The following ADAMTS16 variants were observed in gnomAD, a reference collection of about 807,000 sequenced individuals.
ADAMTS16 encodes A disintegrin and metalloproteinase with thrombospondin motifs 16.
ADAMTS16 carries 94 observed loss-of-function variants against 145.8 expected under a neutral mutation model. The observed-to-expected ratio is 0.64, with a 90% CI of 0.55 to 0.77. The LOEUF (loss-of-function observed/expected upper bound fraction) is 0.77, where lower values mean the gene tolerates loss of function less well. Ranked by LOEUF, ADAMTS16 falls within the 30% of genes least tolerant of loss-of-function variation. The pLI is 0.00. For synonymous variants in ADAMTS16, 659 were observed against 604.3 expected (o/e 1.09, Z -1.33); for missense variants, 1,585 against 1,591.5 (o/e 1.00, Z 0.07).
chr5:5,179,813 C>T (rs187512508), intron 3 of ADAMTS16, among the ~76,000 whole-genome samples: 1 of 152,284 alleles, frequency 6.6e-6, no homozygotes, highest in Admixed American at 6.5e-5. Flanking sequence ...CATGGTGGTG[C>T]TGATGGCTTC....
chr5:5,318,000 C>A lies in ADAMTS16; in HGVS notation c.3412-134C>A, dbSNP rs1734122698. Reference sequence around the variant, plus strand: ...CACATCGTGGCCAACCATAACTCCACCTGCCTCTGCGACTAAGTCGCTCTT... The same window carrying A: ...CACATCGTGGCCAACCATAACTCCAACTGCCTCTGCGACTAAGTCGCTCTT... On this transcript the variant is annotated intron_variant, in intron 21 of 22. Transcript: ENST00000274181. The surrounding 1 kb of genome is among the most constrained non-coding windows in gnomAD (Gnocchi z 4.5). The A allele has an allele frequency of 9.6e-7, 1 of 1,036,310 alleles. No individual in the cohort carries two copies. The highest frequency in any genetic ancestry group is 1.3e-6 in the Non-Finnish European group (1 of 787,622). The allele number at this position is 1,036,310 out of a possible 1,614,324, so 64.2% of individuals were successfully genotyped here.
At chr5:5,265,745 C>A (rs1475036436) in intron 18 of ADAMTS16, among the ~76,000 whole-genome samples, 2 of 152,192 alleles carry the variant, frequency 1.3e-5, no homozygotes, top group Non-Finnish European at 2.9e-5. Context: ...TGACCTCACA[C>A]CCCCTGCTCC....
intron 8 of ADAMTS16, among the ~76,000 whole-genome samples, chr5:5,198,589 T>C (rs1735872084): frequency 1.3e-5 from 2 of 152,232 alleles, no homozygotes; most frequent in South Asian, 4.1e-4. Flanking sequence ...TGTCTTTATA[T>C]TAAAGCTACC....
intron 20 of ADAMTS16, among the ~76,000 whole-genome samples, chr5:5,303,978 C>T (rs1297492733): frequency 2.0e-5 from 3 of 152,162 alleles, no homozygotes; most frequent in African/African-American, 4.8e-5. Flanking sequence ...CACACAGTGG[C>T]GTCCACGTCA....
intron 17 of ADAMTS16, among the ~76,000 whole-genome samples, chr5:5,258,646 A>G (rs1240269006): frequency 6.6e-6 from 1 of 152,150 alleles, no homozygotes; most frequent in Non-Finnish European, 1.5e-5. Context: ...AGAGGACAGC[A>G]CTCCAGGTGG....
intron 11 of ADAMTS16, among the ~76,000 whole-genome samples, chr5:5,228,898 G>A (rs915239280): frequency 1.3e-5 from 2 of 152,232 alleles, no homozygotes; most frequent in Admixed American, 1.3e-4. Context: ...CAAGCATTAG[G>A]TCATAGCCTG....
At chr5:5,245,071 T>C (rs528405675) in intron 17 of ADAMTS16, among the ~76,000 whole-genome samples, 2 of 152,364 alleles carry the variant, frequency 1.3e-5, no homozygotes, top group South Asian at 4.1e-4. Flanking sequence ...TTAAGCACTT[T>C]TTCAGAATTT....
intron 18 of ADAMTS16, among the ~76,000 whole-genome samples, chr5:5,280,553 C>T (rs1288131128): frequency 6.6e-6 from 1 of 152,142 alleles, no homozygotes; most frequent in African/African-American, 2.4e-5. Flanking sequence ...CGTTTAAACA[C>T]CTCTGGCTGA....
chr5:5,173,109 C>G (rs1005037767), intron 3 of ADAMTS16, among the ~76,000 whole-genome samples: 6 of 150,618 alleles, frequency 4.0e-5, no homozygotes, highest in Non-Finnish European at 8.9e-5. Flanking sequence ...TATTTTTATT[C>G]CTTTATTTTT....
chr5:5,259,746 C>T (rs1737935637), intron 17 of ADAMTS16, among the ~76,000 whole-genome samples: 1 of 152,246 alleles, frequency 6.6e-6, no homozygotes. Flanking sequence ...GATGTTTAAC[C>T]TTGTATCTGC....
At chr5:5,312,004 A>G (rs1339836222) in intron 21 of ADAMTS16, among the ~76,000 whole-genome samples, 2 of 152,248 alleles carry the variant, frequency 1.3e-5, no homozygotes, top group Middle Eastern at 6.8e-3. Flanking sequence ...GGCGTGAGCC[A>G]CTGCACTCGG....
At chr5:5,276,559 G>A (rs556371509) in intron 18 of ADAMTS16, among the ~76,000 whole-genome samples, 1 of 152,230 alleles carries the variant, frequency 6.6e-6, no homozygotes, top group South Asian at 2.1e-4. Context: ...ATGATGCAGA[G>A]TTCCTAGATT....
rs1020262087 is a variant in ADAMTS16, at chr5:5,182,373, T to C, written c.763+68T>C. 277 of 1,543,838 alleles carry C rather than the reference T, an allele frequency of 1.8e-4. 2 individuals carry two copies. The highest frequency in any genetic ancestry group is 3.1e-5 in the Non-Finnish European group (35 of 1,141,016). On this transcript the variant is annotated intron_variant, in intron 4 of 22. Transcript: ENST00000274181. ...ATTTATGTAAGCTGATGGAAGCTTGTACATTTTCTTCAAAGCATGTCTGCC... is the reference window on the plus strand; with the variant it reads ...ATTTATGTAAGCTGATGGAAGCTTGCACATTTTCTTCAAAGCATGTCTGCC...
intron 17 of ADAMTS16, among the ~76,000 whole-genome samples, chr5:5,255,406 A>T (rs1737747538): frequency 6.6e-6 from 1 of 152,256 alleles, no homozygotes; most frequent in Admixed American, 6.5e-5. Context: ...AAGGCCAGAC[A>T]TCTGTAGCTC....
At chr5:5,155,843 A>C (rs1734587780) in intron 3 of ADAMTS16, among the ~76,000 whole-genome samples, 1 of 152,018 alleles carries the variant, frequency 6.6e-6, no homozygotes, top group Admixed American at 6.6e-5. Context: ...AGAAGTCCAC[A>C]GGGGACAGAC....
At chr5:5,207,642 C>T (rs1464753680) in intron 9 of ADAMTS16, among the ~76,000 whole-genome samples, 1 of 151,612 alleles carries the variant, frequency 6.6e-6, no homozygotes, top group Non-Finnish European at 1.5e-5. Context: ...TTAAGTTTCG[C>T]ACCATTAATT....
intron 21 of ADAMTS16, among the ~76,000 whole-genome samples, chr5:5,309,645 T>C (rs953787767): frequency 6.6e-6 from 1 of 152,180 alleles, no homozygotes; most frequent in Non-Finnish European, 1.5e-5. Context: ...TGTGCATCTG[T>C]TGAGAGACCT....
intron 5 of ADAMTS16, among the ~76,000 whole-genome samples, chr5:5,186,714 G>T (rs1735511167): frequency 6.6e-6 from 1 of 152,130 alleles, no homozygotes; most frequent in Admixed American, 6.5e-5. Context: ...CAACCTTTTA[G>T]AATATCACCT....
At chr5:5,165,257 C>G (rs1304938310) in intron 3 of ADAMTS16, among the ~76,000 whole-genome samples, 1 of 152,128 alleles carries the variant, frequency 6.6e-6, no homozygotes, top group Non-Finnish European at 1.5e-5. Flanking sequence ...TGGATTCATC[C>G]ATGTTGTGTC....
Sources: allele counts gnomAD v4.1 joint callset (sites outside exome capture counted in the v4.1 genomes callset), GRCh38; gene constraint gnomAD v4.1.1; non-coding constraint Gnocchi (gnomAD v3.1); transcripts MANE v1.5; gene names NCBI Gene and HGNC (gene_info 2026-07-23, HGNC 2026-07-21).